Variants in COPG2 observed in about 807,000 individuals in gnomAD.
COPG2 encodes coatomer subunit gamma-2.
COPG2 carries 37 observed loss-of-function variants against 46.3 expected under a neutral mutation model. The ratio of observed to expected loss-of-function variants is 0.80; its 90% CI spans 0.61 to 1.05. The LOEUF is 1.05. COPG2 is among the 50% of genes least tolerant of loss of function. The pLI, the probability that COPG2 is intolerant of heterozygous loss-of-function variation, is 0.00. For missense variants in COPG2, 427 were observed against 387.8 expected (o/e 1.10, Z -0.85); for synonymous variants, 159 against 129.7 (o/e 1.23, Z -1.53).
chr7:130,531,918 A>G, intron 20 of COPG2, among the ~76,000 whole-genome samples: 1 of 152,284 alleles, frequency 6.6e-6, no homozygotes, highest in Non-Finnish European at 1.5e-5. Flanking sequence ...AGGGGTAAGC[A>G]GTGTTCAGCT....
chr7:130,531,997 C>T (rs1584964935), intron 20 of COPG2, among the ~76,000 whole-genome samples: 1 of 152,142 alleles, frequency 6.6e-6, no homozygotes, highest in Admixed American at 6.5e-5. Flanking sequence ...AAAACCGAGC[C>T]CAAAAGATGC....
intron 6 of COPG2, among the ~76,000 whole-genome samples, chr7:130,615,321 G>C (rs10257888): frequency 0.15 from 22,269 of 152,210 alleles, 3,001 homozygotes; most frequent in African/African-American, 0.36. Flanking sequence ...TAATCAGAAA[G>C]TTATATGAGG....
intron 9 of COPG2, among the ~76,000 whole-genome samples, chr7:130,598,682 C>T (rs1426634568): frequency 2.0e-5 from 3 of 152,198 alleles, no homozygotes; most frequent in Non-Finnish European, 2.9e-5. Flanking sequence ...ATCAACTGCT[C>T]GGAGGGGCTT....
chr7:130,575,144 A>C (rs531202086), intron 9 of COPG2, among the ~76,000 whole-genome samples: 2 of 152,204 alleles, frequency 1.3e-5, no homozygotes, highest in Non-Finnish European at 2.9e-5. Flanking sequence ...GGAATAACTA[A>C]GGAAAATTTC....
chr7:130,536,133 C>T (rs1247543180), intron 20 of COPG2, among the ~76,000 whole-genome samples: 7 of 151,902 alleles, frequency 4.6e-5, no homozygotes, highest in South Asian at 4.2e-4. Flanking sequence ...GTGTCAGAAG[C>T]GCAACTCTCT....
At chr7:130,557,636 G>A (rs951467259) in intron 12 of COPG2, among the ~76,000 whole-genome samples, 1 of 151,190 alleles carries the variant, frequency 6.6e-6, no homozygotes, top group Admixed American at 6.6e-5. Context: ...GTGAAACCTC[G>A]TCTCCACTAA....
intron 20 of COPG2, among the ~76,000 whole-genome samples, chr7:130,540,904 A>AG (rs1799928423): frequency 6.6e-6 from 1 of 152,250 alleles, no homozygotes; most frequent in East Asian, 1.9e-4. Flanking sequence ...AGTAAAAGTA[A>AG]GGGAAAAAAA....
intron 9 of COPG2, among the ~76,000 whole-genome samples, chr7:130,606,250 G>C (rs1158124447): frequency 6.7e-6 from 1 of 150,106 alleles, no homozygotes; most frequent in Non-Finnish European, 1.5e-5. Context: ...AAGAGAGAGA[G>C]AGAGAGAGAA....
chr7:130,629,231 G>A (rs10272075), intron 5 of COPG2, among the ~76,000 whole-genome samples: 22,138 of 151,876 alleles, frequency 0.15, 2,970 homozygotes, highest in African/African-American at 0.36. Context: ...CTTTTTGGCA[G>A]TTTCACTGAT....
chr7:130,565,645 T>C (rs1793790241), intron 9 of COPG2, among the ~76,000 whole-genome samples: 1 of 152,100 alleles, frequency 6.6e-6, no homozygotes, highest in African/African-American at 2.4e-5. Context: ...TCAGCTAATA[T>C]AAATATGTTC....
At chr7:130,591,008 GTCTCTGCCCGGCAGCCACCCCC>G (rs1794396533) in intron 9 of COPG2, among the ~76,000 whole-genome samples, 2 of 151,450 alleles carry the variant, frequency 1.3e-5, no homozygotes, top group South Asian at 4.2e-4. Context: ...AGTGAGGAGC[GTCTCTGCCCGGCAGCCACCCCC>G]TCCAGGAGGG....
chr7:130,589,573 C>A (rs574130723), intron 9 of COPG2, among the ~76,000 whole-genome samples: 2 of 152,306 alleles, frequency 1.3e-5, no homozygotes, highest in South Asian at 4.1e-4. Context: ...GTGTGTGCCA[C>A]CGCACCTGGC....
Position 130,621,735 on chromosome 7 carries a change from G to A in COPG2, c.324-4670C>T, listed in dbSNP as rs965100974. 2.0e-5 allele frequency among the ~76,000 whole-genome samples: 3 copies of A among 151,894 alleles called. No individual in the cohort carries two copies. In the East Asian group the frequency reaches 5.8e-4, roughly 29 times the overall value. On this transcript the variant is annotated intron_variant, in intron 5 of 23. Coordinates refer to ENST00000425248, the MANE Select transcript of COPG2 (RefSeq NM_012133.6). ...CGAAGCGGGTGAATAACAAGGTCAGGAGTTCGCGACCAGCCTGGCCAACAT... is the reference window on the plus strand; with the variant it reads ...CGAAGCGGGTGAATAACAAGGTCAGAAGTTCGCGACCAGCCTGGCCAACAT...
chr7:130,546,609 G>A (rs1209093838), intron 20 of COPG2, among the ~76,000 whole-genome samples: 1 of 152,180 alleles, frequency 6.6e-6, no homozygotes, highest in Non-Finnish European at 1.5e-5. Flanking sequence ...AGACACAGCA[G>A]TGGTGCCAAC....
chr7:130,631,447 T>G (rs1795230160), intron 5 of COPG2, among the ~76,000 whole-genome samples: 1 of 152,178 alleles, frequency 6.6e-6, no homozygotes, highest in South Asian at 2.1e-4. Flanking sequence ...TGTGAGCCAC[T>G]GCACCTGGCC....
chr7:130,590,669 G>A (rs1373747163), intron 9 of COPG2, among the ~76,000 whole-genome samples: 4 of 152,096 alleles, frequency 2.6e-5, no homozygotes, highest in Admixed American at 6.5e-5. Flanking sequence ...GCCTCTGCCC[G>A]GCCACCACCC....
At chr7:130,544,885 C>T (rs995416811) in intron 20 of COPG2, among the ~76,000 whole-genome samples, 3 of 151,986 alleles carry the variant, frequency 2.0e-5, no homozygotes, top group Non-Finnish European at 2.9e-5. Context: ...CCAACCTTTG[C>T]GAGAAGGTGT....
Position 130,508,653 on chromosome 7 carries a change from C to T in COPG2, c.2156G>A (p.Gly719Asp). The part of the protein sequence containing the change: ...LPDDDPTAVA[G>D]SFSCTMKFTV... ...AAACTTCATGGTGCAGCTAAAGGAG[C>T]CTGCAACTGGAGGAGAAGGGAGGCA... The change falls in exon 21 of 24, where the codon GGC (glycine) becomes GAC (aspartate). Residue 719 changes from glycine (G) to aspartate (D), a missense_variant. Gly to Asp is a moderately conservative substitution (Grantham distance 94, BLOSUM62 -1). Coordinates refer to ENST00000425248, the MANE Select transcript of COPG2 (RefSeq NM_012133.6). 1.3e-6 allele frequency: 1 copy of T among 765,392 alleles called. No homozygotes were observed. Among genetic ancestry groups the T allele is most frequent in the African/African-American group, 1.7e-5 (1 of 59,060 alleles). The allele number at this position is 765,392 out of a possible 1,614,324, so 47.4% of individuals were successfully genotyped here.
intron 5 of COPG2, among the ~76,000 whole-genome samples, chr7:130,646,863 CTG>C (rs1210208264): frequency 1.3e-5 from 2 of 151,314 alleles, no homozygotes; most frequent in Non-Finnish European, 2.9e-5. Flanking sequence ...CCACGCGGAA[CTG>C]TGAGTCAATT....
Sources: gnomAD v4.1 joint callset for allele counts (sites outside exome capture counted in the v4.1 genomes callset) on GRCh38, gnomAD v4.1.1 for gene constraint, MANE v1.5 for transcripts, NCBI Gene and HGNC (gene_info 2026-07-23, HGNC 2026-07-21) for gene names.